Variants in DIAPH3 observed in about 807,000 individuals in gnomAD.
The protein encoded by DIAPH3 is protein diaphanous homolog 3.
DIAPH3 carries 117 observed loss-of-function variants against 144.3 expected under a neutral mutation model. The ratio of observed to expected loss-of-function variants is 0.81; its 90% CI spans 0.70 to 0.95. DIAPH3 has a LOEUF of 0.95. DIAPH3 is among the 40% of genes least tolerant of loss of function. The pLI is 0.00. For missense variants in DIAPH3, 1,421 were observed against 1,412.7 expected, an observed-to-expected ratio of 1.01 and a Z score of -0.09; for synonymous variants, 519 against 488.9, an observed-to-expected ratio of 1.06 and a Z score of -0.81.
intron 27 of DIAPH3, chr13:59,695,502 C>T (rs2138712912): frequency 6.6e-6 from 1 of 152,268 alleles, no homozygotes; most frequent in East Asian, 1.9e-4. Context: ...ATGCACAAAG[C>T]ACAGTAGAAA....
chr13:60,154,169 A>C (rs1951921457), intron 1 of DIAPH3, among the ~76,000 whole-genome samples: 1 of 152,174 alleles, frequency 6.6e-6, no homozygotes, highest in African/African-American at 2.4e-5. Context: ...CTAATGCCCT[A>C]AAGTGTAGGC....
At chr13:59,953,398 A>G (rs2049206070) in intron 17 of DIAPH3, among the ~76,000 whole-genome samples, 1 of 152,164 alleles carries the variant, frequency 6.6e-6, no homozygotes, top group Admixed American at 6.6e-5. Context: ...AAAGGGCTCA[A>G]CTGTTTGAAG....
intron 25 of DIAPH3, among the ~76,000 whole-genome samples, chr13:59,780,761 A>T (rs2038695108): frequency 6.6e-6 from 1 of 152,182 alleles, no homozygotes; most frequent in Non-Finnish European, 1.5e-5. Context: ...GAAAATATGA[A>T]ATTTAAATAT....
intron 2 of DIAPH3, among the ~76,000 whole-genome samples, chr13:60,130,819 T>C (rs1291936081): frequency 8.5e-5 from 13 of 152,186 alleles, no homozygotes; most frequent in Non-Finnish European, 1.6e-4. Context: ...TCAAAAGTTT[T>C]TACCTTACCA....
chr13:59,879,149 AT>A (rs2044828422), intron 21 of DIAPH3, 79 bp downstream of exon 21: 9 of 1,581,230 alleles, frequency 5.7e-6, no homozygotes, highest in South Asian at 3.5e-5. Flanking sequence ...AAATAAAAAA[AT>A]ATTTAAATAA....
chr13:59,875,136 C>T (rs771961827), intron 21 of DIAPH3, among the ~76,000 whole-genome samples: 3 of 152,088 alleles, frequency 2.0e-5, no homozygotes, highest in Non-Finnish European at 4.4e-5. Context: ...TCTAGGTCAG[C>T]ATTTTGGTCA....
rs369769984 is a variant in DIAPH3, at chr13:59,791,030, T to TG, written c.3164-16208dup. On this transcript the variant is annotated intron_variant, in intron 25 of 27. Transcript: ENST00000400324. ...TGTTGCCCTAGGCTGGAGAGTGCAG[T>TG]GGCACAATCATAGCTCGCTATAATA... Among the ~76,000 whole-genome samples the TG allele has an allele frequency of 1.6e-3, 250 of 152,330 alleles. 2 individuals are homozygous for TG. Among genetic ancestry groups the TG allele is most frequent in the African/African-American group, 5.7e-3 (237 of 41,574 alleles).
intron 27 of DIAPH3, among the ~76,000 whole-genome samples, chr13:59,761,033 T>C (rs188025350): frequency 7.5e-4 from 115 of 152,348 alleles, no homozygotes; most frequent in East Asian, 4.0e-3. Flanking sequence ...AAGTACATCA[T>C]GGCTAACACT....
intron 17 of DIAPH3, among the ~76,000 whole-genome samples, chr13:59,938,935 G>A (rs1594060279): frequency 6.6e-6 from 1 of 152,014 alleles, no homozygotes; most frequent in South Asian, 2.1e-4. Flanking sequence ...AGTTAAACAT[G>A]GTTAAAACGG....
At chr13:59,984,297 T>A (rs1185871460) in intron 12 of DIAPH3, among the ~76,000 whole-genome samples, 1 of 151,652 alleles carries the variant, frequency 6.6e-6, no homozygotes. Flanking sequence ...CTCTAAAAAG[T>A]TTTATGGGAG....
At chr13:59,873,663 T>G (rs937165742) in intron 21 of DIAPH3, among the ~76,000 whole-genome samples, 2 of 148,524 alleles carry the variant, frequency 1.3e-5, no homozygotes, top group Non-Finnish European at 3.0e-5. Flanking sequence ...TTGAAAATAT[T>G]TTCACCACTT....
chr13:59,740,065 T>A (rs1287393636), intron 27 of DIAPH3, among the ~76,000 whole-genome samples: 1 of 152,144 alleles, frequency 6.6e-6, no homozygotes, highest in Non-Finnish European at 1.5e-5. Flanking sequence ...AAAGGATGAC[T>A]CTACTTACAT....
chr13:59,939,586 A>G (rs1265983636), intron 17 of DIAPH3, among the ~76,000 whole-genome samples: 3 of 152,170 alleles, frequency 2.0e-5, no homozygotes, highest in Non-Finnish European at 4.4e-5. Flanking sequence ...GTATAGAATT[A>G]GATTCTGGAA....
chr13:60,030,251 G>T (rs901084654), intron 5 of DIAPH3, among the ~76,000 whole-genome samples: 1 of 152,008 alleles, frequency 6.6e-6, no homozygotes, highest in Non-Finnish European at 1.5e-5. Flanking sequence ...ATAGCCCTTG[G>T]AATACTTGTT....
intron 2 of DIAPH3, among the ~76,000 whole-genome samples, chr13:60,126,525 C>T (rs952296886): frequency 2.6e-5 from 4 of 152,104 alleles, no homozygotes; most frequent in African/African-American, 4.8e-5. Context: ...TGGGAGACTT[C>T]GATACTTCTC....
At position 60,132,918 on chromosome 13, in the gene DIAPH3, T is replaced by G. The variant is rs371894611; in HGVS notation, c.213+39A>C. ...ACACCATCAACGTTATATGGTTAGT[T>G]ACAATTCATAACAAAGGAAAAGTTG... On this transcript the variant is annotated intron_variant, in intron 2 of 27. Coordinates refer to ENST00000400324, the MANE Select transcript of DIAPH3 (RefSeq NM_001042517.2). The G allele has an allele frequency of 2.7e-5, 42 of 1,562,956 alleles. No individual in the cohort carries two copies. The African/African-American group carries it at 5.4e-4, about 20-fold the overall frequency.
intron 25 of DIAPH3, among the ~76,000 whole-genome samples, chr13:59,810,390 CT>C (rs138251092): frequency 0.045 from 6,867 of 152,240 alleles, 236 homozygotes; most frequent in Admixed American, 0.11. Context: ...TCCTCCATCA[CT>C]TTTTTTCCCT....
chr13:59,925,883 T>C (rs2047726991), intron 17 of DIAPH3, among the ~76,000 whole-genome samples: 1 of 152,200 alleles, frequency 6.6e-6, no homozygotes, highest in Non-Finnish European at 1.5e-5. Flanking sequence ...ATCTCCTTTT[T>C]TGATTTTGAT....
At chr13:59,771,143 A>G (rs2038097124) in intron 27 of DIAPH3, among the ~76,000 whole-genome samples, 1 of 152,202 alleles carries the variant, frequency 6.6e-6, no homozygotes, top group Non-Finnish European at 1.5e-5. Flanking sequence ...ATTTTTTTCT[A>G]TTCTGAGAGA....
Sources: gnomAD v4.1 joint callset for allele counts (sites outside exome capture counted in the v4.1 genomes callset) on GRCh38, gnomAD v4.1.1 for gene constraint, MANE v1.5 for transcripts, NCBI Gene and HGNC (gene_info 2026-07-23, HGNC 2026-07-21) for gene names.